DCP1A: variants seen among roughly 807,000 people sequenced by gnomAD.
The protein encoded by DCP1A is mRNA-decapping enzyme 1A.
DCP1A carries 20 observed loss-of-function variants against 58.0 expected under a neutral mutation model. The ratio of observed to expected loss-of-function variants is 0.34; its 90% CI spans 0.24 to 0.50. DCP1A has a LOEUF of 0.50. Among genes scored for constraint, DCP1A ranks in the 20% least tolerant of loss-of-function variants. The pLI is 0.98. For synonymous variants in DCP1A, 285 were observed against 275.1 expected (o/e 1.04, Z -0.36); for missense variants, 613 against 712.2 (o/e 0.86, Z 1.59).
Position 53,287,630 on chromosome 3 carries a change from C to T in DCP1A, c.1699G>A (p.Glu567Lys). 3 of 1,612,370 alleles carry T rather than the reference C, an allele frequency of 1.9e-6. No homozygotes were observed. Among genetic ancestry groups the T allele is most frequent in the Non-Finnish European group, 2.5e-6 (3 of 1,178,540 alleles). The change falls in exon 10 of 10, where the codon GAA becomes AAA. Residue 567 changes from glutamate (E) to lysine (K), a missense_variant. This residue lies in a region of DCP1A where 498 missense variants were observed against 556.7 expected (regional missense o/e 0.89). Coordinates refer to ENST00000610213, the MANE Select transcript of DCP1A (RefSeq NM_018403.7). ...NDSSFLSTLH[E>K]VYLQVLTKNK... ...TTGGTCAGAACCTGCAAGTAGACTT[C>T]ATGAAGTGTACTGAGGAAGCTGGAA...
intron 3 of DCP1A, among the ~76,000 whole-genome samples, chr3:53,338,296 C>T (rs2089149240): frequency 6.6e-6 from 1 of 152,094 alleles, no homozygotes; most frequent in Non-Finnish European, 1.5e-5. Flanking sequence ...ACACTGTTCC[C>T]AAAAGATTCA....
At chr3:53,295,712 T>C (rs959487007) in intron 6 of DCP1A, among the ~76,000 whole-genome samples, 7 of 152,188 alleles carry the variant, frequency 4.6e-5, no homozygotes, top group Admixed American at 2.0e-4. Context: ...TTTAAATTTT[T>C]TGTAGTGAGC....
chr3:53,326,913 C>T (rs1553690621), intron 3 of DCP1A, among the ~76,000 whole-genome samples: 2 of 151,924 alleles, frequency 1.3e-5, no homozygotes, highest in East Asian at 3.9e-4. Context: ...GTCCCTGGTG[C>T]CAAAAAGGTT....
In DCP1A at chr3:53,287,458, G is replaced by A. The variant is rs1352223601; in HGVS notation, c.*122C>T. The A allele has an allele frequency of 4.1e-6, 2 of 482,480 alleles. No individual in the cohort carries two copies. Among genetic ancestry groups the A allele is most frequent in the South Asian group, 3.2e-5 (1 of 31,160 alleles). 29.9% of individuals were successfully genotyped at this position (482,480 alleles called of 1,614,324 possible). The stretch of plus-strand genomic sequence containing the variant: ...CTTGGAAAACATTCTTAAGAAATGA[G>A]TCTCTTTCTCATAGGCTCAATTTCA... On this transcript the variant is annotated 3_prime_UTR_variant, in exon 10 of 10. Transcript: ENST00000610213.
intron 6 of DCP1A, among the ~76,000 whole-genome samples, chr3:53,298,107 G>C (rs769573867): frequency 2.6e-5 from 4 of 152,166 alleles, no homozygotes; most frequent in Non-Finnish European, 4.4e-5. Context: ...GGTCCTGGCT[G>C]CTTGGGAGGC....
chr3:53,288,656 G>A (rs1202632343), intron 8 of DCP1A, among the ~76,000 whole-genome samples: 1 of 152,148 alleles, frequency 6.6e-6, no homozygotes, highest in Non-Finnish European at 1.5e-5. Flanking sequence ...GAGGACATGA[G>A]GGAACTTTCT....
At chr3:53,319,192 G>A (rs1188738508) in intron 4 of DCP1A, among the ~76,000 whole-genome samples, 1 of 152,072 alleles carries the variant, frequency 6.6e-6, no homozygotes, top group Admixed American at 6.6e-5. Flanking sequence ...ACACAAAGAA[G>A]GAAGACTGGA....
At position 53,313,847 on chromosome 3, in the gene DCP1A, G is replaced by A. The variant is rs561306959; in HGVS notation, c.372-1468C>T. ...ATGGCTTTTTTATTTAAAAATACTG[G>A]GTTAAACAATATTAAACCGACTTAA... On this transcript the variant is annotated intron_variant, in intron 4 of 9. Coordinates refer to ENST00000610213, the MANE Select transcript of DCP1A (RefSeq NM_018403.7). Among the ~76,000 whole-genome samples, 8 of 151,822 alleles carry A rather than the reference G, an allele frequency of 5.3e-5. No individual in the cohort carries two copies. The South Asian group carries it at 1.0e-3, about 20-fold the overall frequency.
rs535612777 is a variant in DCP1A, at chr3:53,341,309, G to C, written c.304+835C>G. 1.2e-3 allele frequency among the ~76,000 whole-genome samples: 183 copies of C among 152,076 alleles called. 1 individual carries two copies. The highest frequency in any genetic ancestry group is 3.0e-3 in the Admixed American group (46 of 15,272). On this transcript the variant is annotated intron_variant, in intron 3 of 9. Coordinates refer to ENST00000610213, the MANE Select transcript of DCP1A (RefSeq NM_018403.7). The stretch of plus-strand genomic sequence containing the variant: ...CTCTACCAAAAATACAAAAAAATTA[G>C]CCAGGCGTGGTGGCGGGTGCCTGTA...
chr3:53,325,306 C>T (rs1201387444), intron 3 of DCP1A, among the ~76,000 whole-genome samples: 1 of 152,212 alleles, frequency 6.6e-6, no homozygotes, highest in African/African-American at 2.4e-5. Flanking sequence ...GAATCACTCT[C>T]ATACATATGT....
intron 4 of DCP1A, among the ~76,000 whole-genome samples, chr3:53,317,965 C>G (rs1553689437): frequency 1.3e-5 from 2 of 152,228 alleles, no homozygotes; most frequent in African/African-American, 4.8e-5. Context: ...TAGCCATGAA[C>G]TGAGATTCTG....
intron 3 of DCP1A, among the ~76,000 whole-genome samples, chr3:53,332,400 A>G (rs1484141160): frequency 6.6e-6 from 1 of 152,234 alleles, no homozygotes; most frequent in East Asian, 1.9e-4. Flanking sequence ...TTAAATTTAC[A>G]GGCAAAAGTT....
In DCP1A at chr3:53,302,472, A is replaced by G. The variant is rs77917500; in HGVS notation, c.624+1705T>C. Among the ~76,000 whole-genome samples, 745 of 152,354 alleles carry G rather than the reference A, an allele frequency of 4.9e-3. 10 individuals carry two copies. Among genetic ancestry groups the G allele is most frequent in the South Asian group, 0.038 (184 of 4,830 alleles). On this transcript the variant is annotated intron_variant, in intron 6 of 9. Coordinates refer to ENST00000610213, the MANE Select transcript of DCP1A (RefSeq NM_018403.7). The stretch of plus-strand genomic sequence containing the variant: ...GTAAGAGACAGCTTAAAAACAAAAA[A>G]ACAAAACTGTTTTACATGGTGCTTA...
chr3:53,334,074 C>T (rs1559704306), intron 3 of DCP1A, among the ~76,000 whole-genome samples: 1 of 152,020 alleles, frequency 6.6e-6, no homozygotes, highest in Admixed American at 6.6e-5. Context: ...CCAGCCTGGA[C>T]AATATAGAGA....
chr3:53,326,984 C>G (rs1034878388), intron 3 of DCP1A, among the ~76,000 whole-genome samples: 10 of 151,164 alleles, frequency 6.6e-5, no homozygotes, highest in South Asian at 6.3e-4. Flanking sequence ...CAACCCCCCC[C>G]CCCCAACTGG....
chr3:53,346,385 G>C (rs528215030), intron 1 of DCP1A, among the ~76,000 whole-genome samples: 4 of 152,274 alleles, frequency 2.6e-5, no homozygotes, highest in African/African-American at 9.6e-5. Flanking sequence ...CTGTATTATA[G>C]GGTAAACGAC....
At chr3:53,344,695 T>C (rs1553692945) in intron 2 of DCP1A, among the ~76,000 whole-genome samples, 1 of 152,176 alleles carries the variant, frequency 6.6e-6, no homozygotes, top group Non-Finnish European at 1.5e-5. Flanking sequence ...AGGCTGGTAA[T>C]ATAAATTCTA....
At chr3:53,340,632 A>G (rs1255855016) in intron 3 of DCP1A, among the ~76,000 whole-genome samples, 4 of 149,786 alleles carry the variant, frequency 2.7e-5, no homozygotes, top group African/African-American at 9.8e-5. Context: ...GTTAGAAGCA[A>G]CATTTCTCCA....
chr3:53,328,076 C>T (rs561510789), intron 3 of DCP1A, among the ~76,000 whole-genome samples: 2 of 151,736 alleles, frequency 1.3e-5, no homozygotes, highest in Non-Finnish European at 2.9e-5. Flanking sequence ...GCCGAGATTG[C>T]GCCACTGTAC....
Sources: gnomAD v4.1 joint callset for allele counts (sites outside exome capture counted in the v4.1 genomes callset) on GRCh38, gnomAD v4.1.1 for gene constraint, gnomAD v4.1.1 regional missense constraint, MANE v1.5 for transcripts, NCBI Gene and HGNC (gene_info 2026-07-23, HGNC 2026-07-21) for gene names.